TENM4: variants seen among roughly 807,000 people sequenced by gnomAD.
The protein encoded by TENM4 is teneurin-4.
In TENM4, 82 loss-of-function variants were observed where a neutral mutation model predicts 243.3. The ratio of observed to expected loss-of-function variants is 0.34; its 90% confidence interval spans 0.28 to 0.40. The LOEUF (loss-of-function observed/expected upper bound fraction) is 0.40, where lower values mean the gene tolerates loss of function less well. Among genes scored for constraint, TENM4 ranks in the 10% least tolerant of loss-of-function variants. The pLI, the probability that TENM4 is intolerant of heterozygous loss-of-function variation, is 1.00. For synonymous variants in TENM4, 1,412 were observed against 1,456.3 expected, an observed-to-expected ratio of 0.97 and a Z score of 0.69; for missense variants, 3,138 against 3,673.3, an observed-to-expected ratio of 0.85 and a Z score of 3.77.
chr11:79,102,071 G>A (rs1861246868), intron 4 of TENM4, among the ~76,000 whole-genome samples: 1 of 152,206 alleles, frequency 6.6e-6, no homozygotes, highest in African/African-American at 2.4e-5. Flanking sequence ...GTCTCCTGAT[G>A]TATAACATGG....
rs149871131 is a variant in TENM4, at chr11:78,757,738, T to A, written c.2540-717A>T. 6.8e-3 allele frequency among the ~76,000 whole-genome samples: 1,033 copies of A among 152,308 alleles called. 7 individuals carry two copies. Among genetic ancestry groups the A allele is most frequent in the African/African-American group, 0.024 (991 of 41,560 alleles). On this transcript the variant is annotated intron_variant, in intron 18 of 33. Transcript: ENST00000278550. The stretch of plus-strand genomic sequence containing the variant: ...AAGGCACAGCAATTCTCAGCGTCTC[T>A]CCCAGCCTCAGTGTAAGCGTGTGGC...
intron 6 of TENM4, among the ~76,000 whole-genome samples, chr11:78,983,057 A>C (rs1261543811): frequency 6.6e-6 from 1 of 152,194 alleles, no homozygotes; most frequent in African/African-American, 2.4e-5. Flanking sequence ...TTGACCTTCA[A>C]TACCCTTGCC....
At chr11:78,753,028 C>T (rs901972212) in intron 19 of TENM4, among the ~76,000 whole-genome samples, 1 of 152,184 alleles carries the variant, frequency 6.6e-6, no homozygotes, top group African/African-American at 2.4e-5. Context: ...TAGACGTTAA[C>T]ACCCTAATCT....
intron 6 of TENM4, among the ~76,000 whole-genome samples, chr11:78,909,387 G>A (rs1856131949): frequency 1.3e-5 from 2 of 152,210 alleles, no homozygotes; most frequent in South Asian, 4.1e-4. Flanking sequence ...TTTTGTAAAT[G>A]AGGAAACTGA....
intron 17 of TENM4, among the ~76,000 whole-genome samples, chr11:78,777,580 C>G (rs897019568): frequency 2.0e-5 from 3 of 152,158 alleles, no homozygotes; most frequent in Non-Finnish European, 4.4e-5. Context: ...ATATACTAAG[C>G]ACTTTGTATT....
chr11:78,942,991 A>G (rs1382896632), intron 6 of TENM4, among the ~76,000 whole-genome samples: 3 of 152,162 alleles, frequency 2.0e-5, no homozygotes, highest in Non-Finnish European at 4.4e-5. Flanking sequence ...CAGATTTTCA[A>G]ATCCAATGAA....
intron 1 of TENM4, among the ~76,000 whole-genome samples, chr11:79,350,331 C>T (rs1857393266): frequency 6.6e-6 from 1 of 152,156 alleles, no homozygotes; most frequent in Admixed American, 6.5e-5. Flanking sequence ...ACCTCATACG[C>T]AAATTCCAGC....
chr11:78,744,754 T>C, intron 19 of TENM4, among the ~76,000 whole-genome samples: 1 of 152,240 alleles, frequency 6.6e-6, no homozygotes, highest in East Asian at 1.9e-4. Context: ...CCATCGCTGG[T>C]TCACCTTGGG....
At chr11:79,073,195 G>A (rs1267185704) in intron 4 of TENM4, among the ~76,000 whole-genome samples, 1 of 152,180 alleles carries the variant, frequency 6.6e-6, no homozygotes, top group Non-Finnish European at 1.5e-5. Flanking sequence ...TCCTGCTTAT[G>A]CCCTCTAGCA....
chr11:79,164,592 A>G (rs1346155429), intron 3 of TENM4, among the ~76,000 whole-genome samples: 1 of 126,946 alleles, frequency 7.9e-6, no homozygotes, highest in Non-Finnish European at 1.6e-5. Context: ...ACATATATAT[A>G]TCTATATAGT....
intron 6 of TENM4, among the ~76,000 whole-genome samples, chr11:79,010,641 C>T (rs541780519): frequency 2.2e-4 from 33 of 152,262 alleles, no homozygotes; most frequent in East Asian, 1.5e-3. Context: ...TGCAGGGAAA[C>T]TCCCCCTTAT....
chr11:79,180,611 C>T lies in TENM4; in HGVS notation c.-162-31805G>A, dbSNP rs182201127. 2.0e-3 allele frequency among the ~76,000 whole-genome samples: 296 copies of T among 151,578 alleles called. 8 individuals carry two copies. Among genetic ancestry groups the T allele is most frequent in the Non-Finnish European group, 3.5e-3 (237 of 67,708 alleles). Reference sequence around the variant, plus strand: ...GTGCGTGGGGTTAATCATAACTATACTTATATATATATTTTTATATTTGTT... The same window carrying T: ...GTGCGTGGGGTTAATCATAACTATATTTATATATATATTTTTATATTTGTT... On this transcript the variant is annotated intron_variant, in intron 3 of 33. Coordinates refer to ENST00000278550, the MANE Select transcript of TENM4 (RefSeq NM_001098816.3).
rs942572079 is a variant in TENM4 at position 78,657,290 on chromosome 11, C to G, written c.*768G>C. The G allele has an allele frequency of 2.5e-6, 1 of 398,248 alleles. No individual in the cohort carries two copies. Among genetic ancestry groups the G allele is most frequent in the East Asian group, 3.6e-5 (1 of 28,076 alleles). The allele number at this position is 398,248 out of a possible 1,614,324, so 24.7% of individuals were successfully genotyped here. A position where few individuals can be genotyped will look rare whatever the true frequency, so the allele number is the denominator to read the frequency against. On this transcript the variant is annotated 3_prime_UTR_variant, in exon 34 of 34. Transcript: ENST00000278550. The stretch of plus-strand genomic sequence containing the variant: ...GAGCCCAGGATGTTATGTCACTGGT[C>G]TGGGGGAAAGGACCTGGGAGACACT...
chr11:78,689,186 CAG>C, intron 28 of TENM4, among the ~76,000 whole-genome samples: 1 of 152,306 alleles, frequency 6.6e-6, no homozygotes, highest in South Asian at 2.1e-4. Flanking sequence ...AATTCAAACT[CAG>C]ATCTATTTGC....
intron 4 of TENM4, among the ~76,000 whole-genome samples, chr11:79,079,831 CAAA>C (rs34296723): frequency 1.7e-5 from 2 of 114,622 alleles, no homozygotes; most frequent in Non-Finnish European, 1.8e-5. Context: ...CACTTTGTTT[CAAA>C]AAAAAAAAAA....
chr11:78,997,157 G>T (rs1322148789), intron 6 of TENM4, among the ~76,000 whole-genome samples: 1 of 152,210 alleles, frequency 6.6e-6, no homozygotes, highest in Non-Finnish European at 1.5e-5. Context: ...AAGCTCCTAA[G>T]ATAGTGTTTG....
intron 2 of TENM4, among the ~76,000 whole-genome samples, chr11:79,290,605 CGGT>C (rs1266201640): frequency 6.6e-6 from 1 of 152,056 alleles, no homozygotes; most frequent in Non-Finnish European, 1.5e-5. Context: ...CCAGGGATCT[CGGT>C]GGTGATCAGA....
At chr11:79,020,787 C>G (rs1259282671) in intron 6 of TENM4, among the ~76,000 whole-genome samples, 1 of 152,126 alleles carries the variant, frequency 6.6e-6, no homozygotes, top group Non-Finnish European at 1.5e-5. Flanking sequence ...CTTCCTCTTC[C>G]CCTGAACTGC....
chr11:79,325,805 C>G (rs1856966161), intron 1 of TENM4, among the ~76,000 whole-genome samples: 2 of 152,146 alleles, frequency 1.3e-5, no homozygotes, highest in African/African-American at 4.8e-5. Flanking sequence ...GAGAACACAC[C>G]CAAATGGCTC....
Sources: gnomAD v4.1 joint callset for allele counts (sites outside exome capture counted in the v4.1 genomes callset) on GRCh38, gnomAD v4.1.1 for gene constraint, MANE v1.5 for transcripts, NCBI Gene and HGNC (gene_info 2026-07-23, HGNC 2026-07-21) for gene names.